The following SLC35D1 variants were observed in gnomAD, a reference collection of about 807,000 sequenced individuals.
SLC35D1 encodes the protein nucleotide sugar transporter SLC35D1.
In SLC35D1, 31 loss-of-function variants were observed where a neutral mutation model predicts 46.7. The ratio of observed to expected loss-of-function variants is 0.66; its 90% CI spans 0.50 to 0.90. SLC35D1 has a LOEUF of 0.90. Ranked by LOEUF, SLC35D1 falls within the 40% of genes least tolerant of loss-of-function variation. The probability of loss-of-function intolerance (pLI) is 0.00; values close to 1 mark genes in which losing one functional copy is unlikely to be tolerated. For missense variants in SLC35D1, 397 were observed against 426.2 expected, an observed-to-expected ratio of 0.93 and a Z score of 0.60; for synonymous variants, 195 against 164.6, an observed-to-expected ratio of 1.18 and a Z score of -1.41.
the SLC35D1 span, among the ~76,000 whole-genome samples, chr1:66,978,689 A>G: frequency 1.8e-3 from 271 of 152,324 alleles, 4 homozygotes; most frequent in Non-Finnish European, 4.4e-4. Context: ...CACGTGAGCT[A>G]CATTCAGTCT....
At chr1:67,008,642 G>A (rs1198647526) in intron 11 of SLC35D1, among the ~76,000 whole-genome samples, 1 of 152,068 alleles carries the variant, frequency 6.6e-6, no homozygotes, top group Non-Finnish European at 1.5e-5. Context: ...TAAACCTACA[G>A]TCATGGACAT....
chr1:67,041,307 A>C (rs1668236899), intron 8 of SLC35D1, among the ~76,000 whole-genome samples: 1 of 152,136 alleles, frequency 6.6e-6, no homozygotes, highest in Non-Finnish European at 1.5e-5. Context: ...ATTCAAGATG[A>C]CCTGTACCAG....
At chr1:67,007,114 A>G (rs1667466164) in intron 11 of SLC35D1, among the ~76,000 whole-genome samples, 1 of 152,144 alleles carries the variant, frequency 6.6e-6, no homozygotes, top group South Asian at 2.1e-4. Context: ...TCAGAACCAG[A>G]GGGGAGATGT....
rs1667334853 is a variant in SLC35D1 at position 67,001,301 on chromosome 1, T to C, written c.*3039A>G. The stretch of plus-strand genomic sequence containing the variant: ...TGATAAAACAGGACTACCAAAAGCG[T>C]GTAAATGCACTTTTTAAAAAAAAAA... On this transcript the variant is annotated 3_prime_UTR_variant, in exon 12 of 12. Transcript: ENST00000235345. The C allele has an allele frequency of 6.6e-6, 1 of 152,022 alleles. No individual in the cohort carries two copies. The highest frequency in any genetic ancestry group is 1.5e-5 in the Non-Finnish European group (1 of 67,990). The allele number at this position is 152,022 out of a possible 1,614,324, so 9.4% of individuals were successfully genotyped here. A position where few individuals can be genotyped will look rare whatever the true frequency, so the allele number is the denominator to read the frequency against.
chr1:66,977,383 T>G, the SLC35D1 span, among the ~76,000 whole-genome samples: 3 of 152,184 alleles, frequency 2.0e-5, no homozygotes, highest in Non-Finnish European at 4.4e-5. Flanking sequence ...GTGCTGGGAT[T>G]ACAGGAGTGA....
chr1:66,977,497 T>G, the SLC35D1 span, among the ~76,000 whole-genome samples: 1 of 152,206 alleles, frequency 6.6e-6, no homozygotes, highest in Non-Finnish European at 1.5e-5. Flanking sequence ...ACAAGTAATA[T>G]TTAAGAATTA....
chr1:67,005,164 C>T (rs1017092116), intron 11 of SLC35D1, among the ~76,000 whole-genome samples: 3 of 152,142 alleles, frequency 2.0e-5, no homozygotes, highest in Non-Finnish European at 2.9e-5. Flanking sequence ...CAGATCCGAC[C>T]ACTCCTGCCC....
the SLC35D1 span, among the ~76,000 whole-genome samples, chr1:66,989,266 G>A: frequency 1.9e-3 from 284 of 152,220 alleles, 1 homozygote; most frequent in African/African-American, 6.7e-3. Flanking sequence ...ATGCAAATTT[G>A]GCCTGGTTAT....
chr1:66,985,206 C>G, the SLC35D1 span: 103 of 975,146 alleles, frequency 1.1e-4, no homozygotes, highest in Non-Finnish European at 1.3e-4. Flanking sequence ...TCTGAATGAA[C>G]TAAAGATGTA....
chr1:67,050,893 G>A (rs140058268), intron 4 of SLC35D1, among the ~76,000 whole-genome samples: 1 of 152,046 alleles, frequency 6.6e-6, no homozygotes, highest in Non-Finnish European at 1.5e-5. Context: ...TGCCTTGACT[G>A]TCCTTTTGTG....
intron 8 of SLC35D1, 94 bp downstream of exon 8, chr1:67,042,142 A>AT (rs1645193691): frequency 8.3e-7 from 1 of 1,200,326 alleles, no homozygotes; most frequent in African/African-American, 1.5e-5. Context: ...CTTAATAAGC[A>AT]TATTTCTTTT....
At chr1:66,985,306 C>T in the SLC35D1 span, 1 of 985,188 alleles carries the variant, frequency 1.0e-6, no homozygotes, top group Non-Finnish European at 1.2e-6. Flanking sequence ...AAACTCAAGT[C>T]CAAATTTCTG....
intron 7 of SLC35D1, among the ~76,000 whole-genome samples, chr1:67,044,939 A>T (rs1445760828): frequency 6.6e-6 from 1 of 152,214 alleles, no homozygotes; most frequent in East Asian, 1.9e-4. Context: ...GCATGGCCGT[A>T]CTGCCTTACT....
chr1:67,051,143 A>C (rs1304604202), intron 4 of SLC35D1, among the ~76,000 whole-genome samples: 1 of 152,208 alleles, frequency 6.6e-6, no homozygotes, highest in Non-Finnish European at 1.5e-5. Flanking sequence ...TGGGTAATGA[A>C]ATGGAAAAAA....
At chr1:66,981,415 CTA>C in the SLC35D1 span, among the ~76,000 whole-genome samples, 1 of 152,132 alleles carries the variant, frequency 6.6e-6, no homozygotes, top group Non-Finnish European at 1.5e-5. Flanking sequence ...AAAATTCAAT[CTA>C]TGTTTGTACA....
At chr1:66,977,763 T>C in the SLC35D1 span, among the ~76,000 whole-genome samples, 41 of 152,268 alleles carry the variant, frequency 2.7e-4, no homozygotes, top group African/African-American at 9.4e-4. Context: ...GAATTAACTT[T>C]ACAGTGCTAT....
intron 11 of SLC35D1, among the ~76,000 whole-genome samples, chr1:67,006,117 T>C (rs1325144489): frequency 1.3e-5 from 2 of 152,124 alleles, no homozygotes; most frequent in Non-Finnish European, 2.9e-5. Context: ...CCCTAAGAGC[T>C]AGGATTACAG....
At chr1:66,997,119 A>G (rs1156476030), downstream of SLC35D1, among the ~76,000 whole-genome samples, 2 of 152,194 alleles carry the variant, frequency 1.3e-5, no homozygotes, top group Non-Finnish European at 2.9e-5. Context: ...TGGACTACAT[A>G]CAAATTTAGA....
chr1:67,015,893 G>A (rs1667675393), intron 10 of SLC35D1, among the ~76,000 whole-genome samples: 1 of 152,030 alleles, frequency 6.6e-6, no homozygotes, highest in African/African-American at 2.4e-5. Flanking sequence ...TTATCACGTT[G>A]ACTAATGATA....
Sources: allele counts gnomAD v4.1 joint callset (sites outside exome capture counted in the v4.1 genomes callset), GRCh38; gene constraint gnomAD v4.1.1; transcripts MANE v1.5; gene names NCBI Gene and HGNC (gene_info 2026-07-23, HGNC 2026-07-21).